TCAIM: variants seen among roughly 807,000 people sequenced by gnomAD.
TCAIM encodes T-cell activation inhibitor, mitochondrial.
TCAIM carries 36 observed loss-of-function variants against 58.6 expected under a neutral mutation model. The ratio of observed to expected loss-of-function variants is 0.61; its 90% CI spans 0.47 to 0.81. The LOEUF is 0.81. TCAIM is among the 30% of genes least tolerant of loss of function. The probability of loss-of-function intolerance (pLI) is 0.00; values close to 1 mark genes in which losing one functional copy is unlikely to be tolerated. For synonymous variants in TCAIM, 172 were observed against 193.6 expected, an observed-to-expected ratio of 0.89 and a Z score of 0.93; for missense variants, 466 against 579.6, an observed-to-expected ratio of 0.80 and a Z score of 2.01.
At chr3:44,371,178 C>G (rs911393053) in intron 5 of TCAIM, among the ~76,000 whole-genome samples, 1 of 151,840 alleles carries the variant, frequency 6.6e-6, no homozygotes, top group African/African-American at 2.4e-5. Context: ...TCCCAAAATG[C>G]TGGGATTACA....
At position 44,357,821 on chromosome 3, in the gene TCAIM, G is replaced by T; in HGVS notation, c.110G>T (p.Arg37Met). The T allele has an allele frequency of 6.2e-7, 1 of 1,614,120 alleles. No homozygotes were observed. Among genetic ancestry groups the T allele is most frequent in the African/African-American group, 1.3e-5 (1 of 75,046 alleles). Reference protein sequence around the residue: ...LSGAEAVNALRPFYFAVHPDF... With the variant: ...LSGAEAVNALMPFYFAVHPDF... The stretch of plus-strand genomic sequence containing the variant: ...GGAGCTGAAGCAGTCAATGCCTTGA[G>T]GCCTTTCTATTTTGCAGTACATCCA... Residue 37 changes from arginine (R) to methionine (M), a missense_variant, in exon 3 of 11, where the codon AGG (arginine) becomes ATG (methionine). Coordinates refer to ENST00000342649, the MANE Select transcript of TCAIM (RefSeq NM_173826.4).
At chr3:44,357,392 A>AG (rs1575244967) in intron 2 of TCAIM, among the ~76,000 whole-genome samples, 2 of 40,026 alleles carry the variant, frequency 5.0e-5, no homozygotes, top group East Asian at 8.5e-3. Flanking sequence ...ATATATATAG[A>AG]AAGAGAATTA....
At chr3:44,380,932 A>G (rs1701645932) in intron 5 of TCAIM, among the ~76,000 whole-genome samples, 1 of 152,190 alleles carries the variant, frequency 6.6e-6, no homozygotes, top group Non-Finnish European at 1.5e-5. Context: ...GAAACACAAA[A>G]TCTACCAAGA....
At chr3:44,374,702 A>G (rs1437022739) in intron 5 of TCAIM, among the ~76,000 whole-genome samples, 2 of 152,212 alleles carry the variant, frequency 1.3e-5, no homozygotes, top group South Asian at 2.1e-4. Context: ...TCTAGGCTGC[A>G]GTGATCCATG....
At chr3:44,401,115 TA>T in intron 9 of TCAIM, 87 bp from the exon 10 acceptor site, 1 of 1,523,722 alleles carries the variant, frequency 6.6e-7, no homozygotes, top group Non-Finnish European at 8.8e-7. Context: ...GATTTTTTTT[TA>T]TTTTCCTGAA....
At chr3:44,354,099 G>A (rs1314779820) in intron 1 of TCAIM, among the ~76,000 whole-genome samples, 1 of 152,154 alleles carries the variant, frequency 6.6e-6, no homozygotes, top group African/African-American at 2.4e-5. Context: ...TGTGAACAAT[G>A]TAAGGTCTGT....
intron 5 of TCAIM, among the ~76,000 whole-genome samples, chr3:44,387,310 G>A (rs1025383987): frequency 7.2e-5 from 11 of 152,204 alleles, no homozygotes; most frequent in Admixed American, 4.6e-4. Context: ...CCCTCCAGTT[G>A]TCCACATACT....
At chr3:44,358,904 T>C (rs2125633476) in intron 3 of TCAIM, 1 of 985,312 alleles carries the variant, frequency 1.0e-6, no homozygotes, top group East Asian at 1.1e-4. Flanking sequence ...GAAAATATTC[T>C]GATTATGATA....
chr3:44,388,564 T>C (rs983271826), intron 5 of TCAIM, among the ~76,000 whole-genome samples: 8 of 152,184 alleles, frequency 5.3e-5, no homozygotes, highest in Non-Finnish European at 8.8e-5. Flanking sequence ...TTCCAGGAAG[T>C]TATGATTTTT....
chr3:44,406,419 G>A (rs1440386281), intron 10 of TCAIM, among the ~76,000 whole-genome samples: 1 of 152,190 alleles, frequency 6.6e-6, no homozygotes, highest in African/African-American at 2.4e-5. Context: ...AGGCCCAGCT[G>A]TGAAACATTT....
At chr3:44,385,022 G>C (rs924265948) in intron 5 of TCAIM, among the ~76,000 whole-genome samples, 2 of 152,186 alleles carry the variant, frequency 1.3e-5, no homozygotes, top group Non-Finnish European at 2.9e-5. Flanking sequence ...CAGAATGCCT[G>C]CTATCACCTC....
rs1033348294 is a variant in TCAIM, at chr3:44,388,475, G to A, written c.573-4380G>A. Among the ~76,000 whole-genome samples the A allele has an allele frequency of 1.1e-4, 16 of 152,276 alleles. No individual in the cohort carries two copies. The South Asian group carries it at 3.3e-3, about 32-fold the overall frequency. On this transcript the variant is annotated intron_variant, in intron 5 of 10. Transcript: ENST00000342649. Reference sequence around the variant, plus strand: ...AGTTTTTTGCAGGCCTACCCCAGAAGTGACGTTGTGTTGTTTTCAGTGTAT... The same window carrying A: ...AGTTTTTTGCAGGCCTACCCCAGAAATGACGTTGTGTTGTTTTCAGTGTAT...
intron 1 of TCAIM, among the ~76,000 whole-genome samples, chr3:44,341,963 G>T (rs1011293995): frequency 6.6e-6 from 1 of 152,066 alleles, no homozygotes; most frequent in Non-Finnish European, 1.5e-5. Context: ...CTAGCATTTT[G>T]TCTGTGTCTT....
intron 5 of TCAIM, among the ~76,000 whole-genome samples, chr3:44,375,577 T>C (rs1254443353): frequency 6.6e-6 from 1 of 152,220 alleles, no homozygotes; most frequent in Non-Finnish European, 1.5e-5. Context: ...ACATTGGGGA[T>C]TAAATTTCAA....
At chr3:44,373,271 A>T (rs1042849237) in intron 5 of TCAIM, among the ~76,000 whole-genome samples, 1 of 152,148 alleles carries the variant, frequency 6.6e-6, no homozygotes, top group Non-Finnish European at 1.5e-5. Context: ...TTACATTTTA[A>T]TGTATATTTT....
chr3:44,350,619 T>A (rs1432594307), intron 1 of TCAIM, among the ~76,000 whole-genome samples: 1 of 152,008 alleles, frequency 6.6e-6, no homozygotes, highest in African/African-American at 2.4e-5. Flanking sequence ...AGAGACAGAG[T>A]CTCACTATGT....
chr3:44,368,173 TATC>T lies in TCAIM; in HGVS notation c.572+469_572+471del, dbSNP rs569639073. ...AATACATGGTGACCAAATTATTAAA[TATC>T]ATCTAGAATAGCTGCTTTAAAGAGT... On this transcript the variant is annotated intron_variant, in intron 5 of 10. Transcript: ENST00000342649. Among the ~76,000 whole-genome samples, 475 of 152,364 alleles carry T rather than the reference TATC, an allele frequency of 3.1e-3. 2 individuals are homozygous for T. The highest frequency in any genetic ancestry group is 0.01 in the African/African-American group (420 of 41,588).
chr3:44,361,539 G>T, intron 4 of TCAIM, 21 bp downstream of exon 4: 1 of 1,572,290 alleles, frequency 6.4e-7, no homozygotes, highest in Non-Finnish European at 8.6e-7. Flanking sequence ...TATTTCTGGT[G>T]TGTCCCTTGC....
intron 2 of TCAIM, 145 bp from the exon 3 acceptor site, chr3:44,357,596 A>G (rs1275973567): frequency 9.2e-7 from 1 of 1,085,178 alleles, no homozygotes; most frequent in East Asian, 2.7e-5. Flanking sequence ...CACTGCTTGT[A>G]AAACTAATAG....
Sources: allele counts gnomAD v4.1 joint callset (sites outside exome capture counted in the v4.1 genomes callset), GRCh38; gene constraint gnomAD v4.1.1; transcripts MANE v1.5; gene names NCBI Gene and HGNC (gene_info 2026-07-23, HGNC 2026-07-21).